Variants in CFAP97 observed in about 807,000 individuals in gnomAD.
CFAP97 encodes cilia- and flagella-associated protein 97.
CFAP97 carries 36 observed loss-of-function variants against 43.1 expected under a neutral mutation model. The observed-to-expected ratio is 0.84, with a 90% CI of 0.64 to 1.10. The LOEUF (loss-of-function observed/expected upper bound fraction) is 1.10, where lower values mean the gene tolerates loss of function less well. CFAP97 is among the 50% of genes least tolerant of loss of function. The pLI, the probability that CFAP97 is intolerant of heterozygous loss-of-function variation, is 0.00. For missense variants in CFAP97, 657 were observed against 620.3 expected (o/e 1.06, Z -0.63); for synonymous variants, 228 against 225.7 (o/e 1.01, Z -0.09).
intron 2 of CFAP97, among the ~76,000 whole-genome samples, chr4:185,178,114 CAT>C (rs1385623365): frequency 6.6e-6 from 1 of 151,832 alleles, no homozygotes; most frequent in Admixed American, 6.6e-5. Context: ...ATGCATAAAA[CAT>C]GTGAAATTAT....
In CFAP97 at chr4:185,176,015, T is replaced by C; in HGVS notation, c.1091A>G (p.His364Arg). 6.2e-7 allele frequency: 1 copy of C among 1,609,888 alleles called. No individual in the cohort carries two copies. Among genetic ancestry groups the C allele is most frequent in the Non-Finnish European group, 8.5e-7 (1 of 1,178,636 alleles). Reference protein sequence around the residue: ...LQLDKKGPQKHHFDQPSVAPG... With the variant: ...LQLDKKGPQKRHFDQPSVAPG... Reference sequence around the variant, plus strand: ...TGCTACTGAAGGCTGATCAAAGTGATGTTTTTGTGGTCCTTTTTTATCTAA... The same window carrying C: ...TGCTACTGAAGGCTGATCAAAGTGACGTTTTTGTGGTCCTTTTTTATCTAA... The change falls in exon 3 of 5, where the codon CAT becomes CGT. Residue 364 changes from histidine (H) to arginine (R), a missense_variant. Transcript: ENST00000458385.
intron 2 of CFAP97, among the ~76,000 whole-genome samples, chr4:185,187,711 C>A (rs79492529): frequency 0.039 from 5,897 of 151,420 alleles, 375 homozygotes; most frequent in African/African-American, 0.13. Flanking sequence ...AATATCCATA[C>A]AACGTACAGC....
intron 1 of CFAP97, among the ~76,000 whole-genome samples, chr4:185,200,219 CG>C (rs556596260): frequency 6.6e-6 from 1 of 152,144 alleles, no homozygotes; most frequent in Non-Finnish European, 1.5e-5. Context: ...AGAAATGGCA[CG>C]GGAACTAGAA....
intron 1 of CFAP97, among the ~76,000 whole-genome samples, chr4:185,193,456 C>T (rs569630874): frequency 1.3e-5 from 2 of 151,950 alleles, no homozygotes; most frequent in South Asian, 2.1e-4. Context: ...ACTACTCTGG[C>T]CAATATAGTG....
chr4:185,182,311 T>G (rs548724615), intron 2 of CFAP97: 8 of 152,202 alleles, frequency 5.3e-5, no homozygotes, highest in Middle Eastern at 3.4e-3. Flanking sequence ...GATTTACAGG[T>G]CAAGATGAAG....
intron 3 of CFAP97, among the ~76,000 whole-genome samples, chr4:185,164,983 C>G (rs898608583): frequency 6.6e-6 from 1 of 152,188 alleles, no homozygotes; most frequent in Non-Finnish European, 1.5e-5. Context: ...TGGGGAAAGG[C>G]CAGCAGGGAG....
At chr4:185,182,456 C>T (rs1461606032) in intron 2 of CFAP97, 1 of 152,116 alleles carries the variant, frequency 6.6e-6, no homozygotes. Flanking sequence ...TTTCAAGATC[C>T]ACTTCAAAGT....
intron 1 of CFAP97, 129 bp from the exon 2 acceptor site, chr4:185,191,341 A>T: frequency 3.0e-6 from 2 of 657,898 alleles, no homozygotes. Flanking sequence ...TTATAAAAAC[A>T]ACAACAAAAA....
intron 1 of CFAP97, among the ~76,000 whole-genome samples, chr4:185,201,757 C>A (rs952067467): frequency 3.3e-5 from 5 of 152,160 alleles, no homozygotes; most frequent in Non-Finnish European, 7.3e-5. Flanking sequence ...GGTCTGCAAG[C>A]AACCAAAATA....
upstream of CFAP97, chr4:185,210,208 G>T: frequency 1.0e-6 from 1 of 984,692 alleles, no homozygotes; most frequent in Non-Finnish European, 1.2e-6. This position sits in a 1 kb window ranked among gnomAD's most constrained non-coding sequence, Gnocchi z 4.4. Context: ...CTTCGCCGCC[G>T]CCTGGAGCCG....
At chr4:185,200,532 C>T (rs1389805590) in intron 1 of CFAP97, among the ~76,000 whole-genome samples, 2 of 151,926 alleles carry the variant, frequency 1.3e-5, no homozygotes, top group African/African-American at 2.4e-5. Context: ...CCCAGCTACT[C>T]GGGAGGCTGA....
chr4:185,177,413 CA>C (rs35714715), intron 2 of CFAP97, among the ~76,000 whole-genome samples: 112 of 142,838 alleles, frequency 7.8e-4, no homozygotes, highest in Non-Finnish European at 8.0e-4. Context: ...ACTCTGTCTC[CA>C]AAAAAAAAAA....
Position 185,164,173 on chromosome 4 carries a change from A to G in CFAP97, c.1327T>C (p.Leu443=), listed in dbSNP as rs368655074. 2.4e-5 allele frequency: 38 copies of G among 1,613,556 alleles called. No individual in the cohort carries two copies. Among genetic ancestry groups the G allele is most frequent in the Admixed American group, 3.3e-5 (2 of 59,974 alleles). Residue 443 remains leucine (L), a synonymous_variant, in exon 4 of 5, where the codon TTG becomes CTG. Coordinates refer to ENST00000458385, the MANE Select transcript of CFAP97 (RefSeq NM_020827.3). ...GGTTTCACGGCCTCAAGCCTTTTCAATAAAGCCTTCAATAAAGACAATTAA... is the reference window on the plus strand; with the variant it reads ...GGTTTCACGGCCTCAAGCCTTTTCAGTAAAGCCTTCAATAAAGACAATTAA... ...QRIERENLAL[L]KRLEAVKPTV...
chr4:185,163,129 T>C (rs1273848705), intron 4 of CFAP97, among the ~76,000 whole-genome samples: 2 of 152,196 alleles, frequency 1.3e-5, no homozygotes, highest in Non-Finnish European at 2.9e-5. Flanking sequence ...ATTCACTGGA[T>C]TGGCGTGGAA....
chr4:185,169,187 C>T (rs866140978), intron 3 of CFAP97: 23 of 152,248 alleles, frequency 1.5e-4, no homozygotes, highest in African/African-American at 5.3e-4. Flanking sequence ...GTTAACAATA[C>T]TGTGTTATAT....
chr4:185,173,888 A>G (rs1735411305), intron 3 of CFAP97, among the ~76,000 whole-genome samples: 1 of 152,244 alleles, frequency 6.6e-6, no homozygotes, highest in African/African-American at 2.4e-5. Context: ...GCAAATTTTA[A>G]GTTATATATA....
intron 2 of CFAP97, 58 bp from the exon 3 acceptor site, chr4:185,176,109 C>CT (rs113459393): frequency 0.029 from 29,688 of 1,007,698 alleles, 3 homozygotes; most frequent in East Asian, 0.034. Flanking sequence ...GTGGTACATG[C>CT]TTTTTTTTTT....
chr4:185,161,290 C>T lies in CFAP97; in HGVS notation c.*1508G>A, dbSNP rs1021753278. 6.6e-5 allele frequency: 10 copies of T among 152,122 alleles called. No individual in the cohort carries two copies. Among genetic ancestry groups the T allele is most frequent in the African/African-American group, 2.4e-4 (10 of 41,432 alleles). 9.4% of individuals were successfully genotyped at this position (152,122 alleles called of 1,614,324 possible). ...TGTGCCCATGTTCACAGGCCTGATC[C>T]TTAACAAAATCTATGAATACAAACT... On this transcript the variant is annotated 3_prime_UTR_variant, in exon 5 of 5. Transcript: ENST00000458385.
upstream of CFAP97, among the ~76,000 whole-genome samples, chr4:185,207,210 C>CTTTTT (rs34373262): frequency 2.0e-4 from 15 of 76,852 alleles, 2 homozygotes; most frequent in Admixed American, 7.3e-4. Context: ...ACCAGTCACA[C>CTTTTT]TTTTTTTTTT....
Sources: allele counts gnomAD v4.1 joint callset (sites outside exome capture counted in the v4.1 genomes callset), GRCh38; gene constraint gnomAD v4.1.1; non-coding constraint Gnocchi (gnomAD v3.1); transcripts MANE v1.5; gene names NCBI Gene and HGNC (gene_info 2026-07-23, HGNC 2026-07-21).